The following CNTN5 variants were observed in gnomAD, a reference collection of about 807,000 sequenced individuals.
CNTN5 encodes contactin-5.
In CNTN5, 77 loss-of-function variants were observed where a neutral mutation model predicts 129.1. The observed-to-expected ratio is 0.60, with a 90% CI of 0.50 to 0.72. The LOEUF is 0.72. CNTN5 is among the 30% of genes least tolerant of loss of function. The probability of loss-of-function intolerance (pLI) is 0.00; values close to 1 mark genes in which losing one functional copy is unlikely to be tolerated. For missense variants in CNTN5, 1,478 were observed against 1,328.8 expected (o/e 1.11, Z -1.75); for synonymous variants, 509 against 465.6 (o/e 1.09, Z -1.20).
rs534893500 is a variant in CNTN5, at chr11:99,380,362, A to G, written c.-71+54878A>G. On this transcript the variant is annotated intron_variant, in intron 2 of 24. Transcript: ENST00000524871. ...CCAAAATATTCTCAAAGAAGTGAGCAAATAGAAATGATAGTGTTTGTTGTC... is the reference window on the plus strand; with the variant it reads ...CCAAAATATTCTCAAAGAAGTGAGCGAATAGAAATGATAGTGTTTGTTGTC... Among the ~76,000 whole-genome samples the G allele has an allele frequency of 3.3e-5, 5 of 152,230 alleles. 1 individual carries two copies. In the South Asian group the frequency reaches 8.3e-4, roughly 25 times the overall value.
chr11:99,754,600 G>T (rs932129842), intron 3 of CNTN5, among the ~76,000 whole-genome samples: 1 of 152,110 alleles, frequency 6.6e-6, no homozygotes, highest in East Asian at 1.9e-4. Flanking sequence ...AATTTAAATA[G>T]ACTGTTTCTT....
chr11:99,069,072 C>G (rs1343145372), intron 1 of CNTN5, among the ~76,000 whole-genome samples: 2 of 151,836 alleles, frequency 1.3e-5, no homozygotes, highest in Non-Finnish European at 2.9e-5. Context: ...AATAGGAAGC[C>G]GACAAGGTTG....
At chr11:100,178,142 G>A (rs555964437) in intron 13 of CNTN5, among the ~76,000 whole-genome samples, 2 of 152,194 alleles carry the variant, frequency 1.3e-5, no homozygotes, top group South Asian at 4.2e-4. Flanking sequence ...TCTACCATAA[G>A]GAGAATAGCA....
chr11:99,513,612 A>T (rs1338517524), intron 2 of CNTN5, among the ~76,000 whole-genome samples: 2 of 152,128 alleles, frequency 1.3e-5, no homozygotes, highest in Non-Finnish European at 2.9e-5. Context: ...CTTAAGAATT[A>T]TGCTAAATCT....
chr11:100,330,078 A>G (rs757278142), intron 21 of CNTN5, among the ~76,000 whole-genome samples: 7 of 152,202 alleles, frequency 4.6e-5, no homozygotes, highest in Non-Finnish European at 7.3e-5. Flanking sequence ...ATTCAAAAAC[A>G]TGATACAGAA....
chr11:99,405,584 T>G lies in CNTN5; in HGVS notation c.-71+80100T>G, dbSNP rs191794127. On this transcript the variant is annotated intron_variant, in intron 2 of 24. Coordinates refer to ENST00000524871, the MANE Select transcript of CNTN5 (RefSeq NM_014361.4). ...ATTATTTCAATCTCTTTGTTAAATTTACCTGATAGAATTCTGAATTCCTGG... is the reference window on the plus strand; with the variant it reads ...ATTATTTCAATCTCTTTGTTAAATTGACCTGATAGAATTCTGAATTCCTGG... Among the ~76,000 whole-genome samples, 3 of 148,072 alleles carry G rather than the reference T, an allele frequency of 2.0e-5. 1 individual carries two copies. The highest frequency in any genetic ancestry group is 7.6e-5 in the African/African-American group (3 of 39,270).
intron 2 of CNTN5, among the ~76,000 whole-genome samples, chr11:99,531,785 G>A (rs1947717553): frequency 6.6e-6 from 1 of 152,220 alleles, no homozygotes; most frequent in Admixed American, 6.5e-5. Flanking sequence ...CACAGAACTA[G>A]AAGTCAAGAA....
intron 16 of CNTN5, among the ~76,000 whole-genome samples, chr11:100,252,670 C>T (rs1456512282): frequency 6.6e-6 from 1 of 152,076 alleles, no homozygotes; most frequent in African/African-American, 2.4e-5. Flanking sequence ...ATTGAAAAGA[C>T]TGTTCTTTCC....
rs571538858 is a variant in CNTN5 at position 99,595,169 on chromosome 11, G to A, written c.55+38900G>A. On this transcript the variant is annotated intron_variant, in intron 3 of 24. Transcript: ENST00000524871. ...TACACACTAGGGTGACTATAGCAAA[G>A]AACAATGTACTGTATATTTCAAGAC... 2.0e-5 allele frequency among the ~76,000 whole-genome samples: 3 copies of A among 152,172 alleles called. No individual in the cohort carries two copies. The South Asian group carries it at 6.2e-4, about 32-fold the overall frequency.
intron 13 of CNTN5, among the ~76,000 whole-genome samples, chr11:100,100,289 A>C (rs181118824): frequency 4.3e-4 from 65 of 152,230 alleles, no homozygotes; most frequent in Admixed American, 3.0e-3. Flanking sequence ...CAGAATATCC[A>C]GAAAAATACC....
At chr11:100,226,878 C>A (rs1949386119) in intron 16 of CNTN5, among the ~76,000 whole-genome samples, 2 of 151,994 alleles carry the variant, frequency 1.3e-5, no homozygotes, top group African/African-American at 2.4e-5. Context: ...CTCTGCCAGT[C>A]TCCCTTCTCA....
At chr11:99,556,840 T>C (rs1377311529) in intron 3 of CNTN5, among the ~76,000 whole-genome samples, 1 of 150,932 alleles carries the variant, frequency 6.6e-6, no homozygotes, top group Non-Finnish European at 1.5e-5. Context: ...AAACTTATTT[T>C]TCTATATCTT....
At chr11:99,193,058 T>A (rs1183777896) in intron 1 of CNTN5, among the ~76,000 whole-genome samples, 3 of 152,162 alleles carry the variant, frequency 2.0e-5, no homozygotes, top group Admixed American at 2.0e-4. Context: ...CTTGTTTCTC[T>A]TAAATGTATT....
intron 1 of CNTN5, among the ~76,000 whole-genome samples, chr11:99,206,760 T>A (rs1206557999): frequency 6.6e-6 from 1 of 152,154 alleles, no homozygotes; most frequent in Non-Finnish European, 1.5e-5. Flanking sequence ...TAAGCAAGGA[T>A]TTTGGATAAC....
At chr11:99,819,520 TTTA>T in intron 3 of CNTN5, 21 bp from the exon 4 acceptor site, 1 of 1,567,018 alleles carries the variant, frequency 6.4e-7, no homozygotes, top group Non-Finnish European at 8.7e-7. Flanking sequence ...AAATTCAGAT[TTTA>T]TTATATTTTT....
intron 13 of CNTN5, among the ~76,000 whole-genome samples, chr11:100,156,144 C>G (rs1326674122): frequency 6.6e-6 from 1 of 152,110 alleles, no homozygotes; most frequent in Non-Finnish European, 1.5e-5. Flanking sequence ...ATGGGTTTGT[C>G]ACAAATAGCT....
chr11:99,781,159 G>T (rs79947726), intron 3 of CNTN5, among the ~76,000 whole-genome samples: 1 of 152,030 alleles, frequency 6.6e-6, no homozygotes, highest in Admixed American at 6.6e-5. Flanking sequence ...CACACATTCA[G>T]AAAATGTGAA....
chr11:99,823,599 ATTATTC>A (rs1281248910), intron 4 of CNTN5, among the ~76,000 whole-genome samples: 3 of 152,180 alleles, frequency 2.0e-5, no homozygotes, highest in African/African-American at 2.4e-5. Context: ...TATTAAATGT[ATTATTC>A]TTTATTCATT....
intron 1 of CNTN5, among the ~76,000 whole-genome samples, chr11:99,130,121 T>C (rs4533003): frequency 0.9 from 137,568 of 152,136 alleles, 62,392 homozygotes; most frequent in East Asian, 0.99. Flanking sequence ...CAATATTAAC[T>C]TTAAATGTAA....
Sources: allele counts gnomAD v4.1 joint callset (sites outside exome capture counted in the v4.1 genomes callset), GRCh38; gene constraint gnomAD v4.1.1; transcripts MANE v1.5; gene names NCBI Gene and HGNC (gene_info 2026-07-23, HGNC 2026-07-21).